ZKSCAN5: variants seen among roughly 807,000 people sequenced by gnomAD.
ZKSCAN5 encodes the protein zinc finger with KRAB and SCAN domains 5.
ZKSCAN5 carries 28 observed loss-of-function variants against 60.0 expected under a neutral mutation model. The ratio of observed to expected loss-of-function variants is 0.47; its 90% CI spans 0.35 to 0.64. ZKSCAN5 has a LOEUF of 0.64. Ranked by LOEUF, ZKSCAN5 falls within the 30% of genes least tolerant of loss-of-function variation. The pLI, the probability that ZKSCAN5 is intolerant of heterozygous loss-of-function variation, is 0.01. For synonymous variants in ZKSCAN5, 361 were observed against 371.2 expected (o/e 0.97, Z 0.31); for missense variants, 881 against 1,034.6 (o/e 0.85, Z 2.04).
chr7:99,510,262 C>G (rs1046395734), intron 2 of ZKSCAN5, among the ~76,000 whole-genome samples: 1 of 148,236 alleles, frequency 6.7e-6, no homozygotes, highest in Non-Finnish European at 1.5e-5. Flanking sequence ...TTTTTTAAGA[C>G]GGAGTCTGGC....
intron 6 of ZKSCAN5, among the ~76,000 whole-genome samples, chr7:99,529,896 C>T (rs1007566897): frequency 1.3e-5 from 2 of 151,858 alleles, no homozygotes; most frequent in African/African-American, 4.8e-5. Flanking sequence ...CCACCATGCC[C>T]AGCTAATTTT....
intron 1 of ZKSCAN5, chr7:99,505,764 G>T: frequency 3.3e-6 from 1 of 300,690 alleles, no homozygotes; most frequent in Non-Finnish European, 6.4e-6. Flanking sequence ...GATTTGTATG[G>T]CTCTCTTTTA....
In ZKSCAN5 at chr7:99,506,073, T is replaced by G; in HGVS notation, c.29T>G (p.Ile10Arg). Residue 10 changes from isoleucine to arginine, a missense_variant, in exon 2 of 7, where the codon ATA becomes AGA. By Grantham distance (97) the Ile-to-Arg change is moderately conservative (BLOSUM62 -3). This residue lies in a region of ZKSCAN5 where 88 missense variants were observed against 65.2 expected (regional missense o/e 1.35). Transcript: ENST00000326775. Reference protein sequence around the residue: MIMTESREVIDLDPPAETSQ... With the variant: MIMTESREVRDLDPPAETSQ... ...ATAATGACCGAATCCCGAGAAGTTA[T>G]AGACTTAGACCCCCCAGCTGAGACT... 1 of 1,614,052 alleles carries G rather than the reference T, an allele frequency of 6.2e-7. No homozygotes were observed. Among genetic ancestry groups the G allele is most frequent in the Non-Finnish European group, 8.5e-7 (1 of 1,179,990 alleles).
rs1488527980 is a variant in ZKSCAN5 at position 99,531,837 on chromosome 7, CAG to C, written c.2109_2110del (p.Val704AspfsTer2). The C allele has an allele frequency of 6.2e-7, 1 of 1,613,994 alleles. No homozygotes were observed. Among genetic ancestry groups the C allele is most frequent in the African/African-American group, 1.3e-5 (1 of 74,914 alleles). ...GAGGAAGCATATAGTTGGAACTTGA[CAG>C]TGATTGAAGACAAGAAGATTGAGTT... On this transcript the variant is annotated frameshift_variant, in exon 7 of 7. Coordinates refer to ENST00000326775, the MANE Select transcript of ZKSCAN5 (RefSeq NM_145102.4). LOFTEE classifies it low-confidence loss of function (END_TRUNC).
chr7:99,532,318 C>A lies in ZKSCAN5; in HGVS notation c.*69C>A. The A allele has an allele frequency of 7.0e-7, 1 of 1,429,862 alleles. No individual in the cohort carries two copies. The highest frequency in any genetic ancestry group is 9.3e-7 in the Non-Finnish European group (1 of 1,073,484). The allele number at this position is 1,429,862 out of a possible 1,614,324, so 88.6% of individuals were successfully genotyped here. ...ACTCCTATAATGAGCAAAGTAACAA[C>A]TTCAAGCATTTTTCCAGCGTTACCA... On this transcript the variant is annotated 3_prime_UTR_variant, in exon 7 of 7. Coordinates refer to ENST00000326775, the MANE Select transcript of ZKSCAN5 (RefSeq NM_145102.4).
In ZKSCAN5 at chr7:99,506,136, A is replaced by G; in HGVS notation, c.92A>G (p.Glu31Gly). The G allele has an allele frequency of 6.2e-7, 1 of 1,614,132 alleles. No individual in the cohort carries two copies. Among genetic ancestry groups the G allele is most frequent in the East Asian group, 2.2e-5 (1 of 44,880 alleles). Residue 31 changes from glutamate to glycine, a missense_variant, in exon 2 of 7, where the codon GAA becomes GGA. Glu to Gly is a moderately conservative substitution (Grantham distance 98). This residue lies in a region of ZKSCAN5 where 88 missense variants were observed against 65.2 expected (regional missense o/e 1.35). Transcript: ENST00000326775. ...EQEDLFIVKV[E>G]EEDCTWMQEY... ...GAAGACCTTTTCATAGTGAAGGTGG[A>G]AGAAGAAGACTGCACCTGGATGCAG...
At position 99,533,224 on chromosome 7, in the gene ZKSCAN5, T is replaced by C. The variant is rs1486045313; in HGVS notation, c.*975T>C. On this transcript the variant is annotated 3_prime_UTR_variant, in exon 7 of 7. Transcript: ENST00000326775. The stretch of plus-strand genomic sequence containing the variant: ...TATACAGAATGAGTTTCAGTTTGCA[T>C]TGCAGCTGGGATTGAAAGTAATCAG... The C allele has an allele frequency of 3.0e-6, 2 of 673,300 alleles. No homozygotes were observed. The highest frequency in any genetic ancestry group is 4.1e-5 in the Admixed American group (2 of 49,052). The allele number at this position is 673,300 out of a possible 1,614,324, so 41.7% of individuals were successfully genotyped here. A position where few individuals can be genotyped will look rare whatever the true frequency, so the allele number is the denominator to read the frequency against.
At chr7:99,522,319 G>C (rs1801571167) in intron 5 of ZKSCAN5, among the ~76,000 whole-genome samples, 1 of 152,280 alleles carries the variant, frequency 6.6e-6, no homozygotes, top group South Asian at 2.1e-4. Flanking sequence ...AGTGGCAGGG[G>C]TGTTGGGGAA....
At chr7:99,528,172 A>T (rs2151116441) in intron 6 of ZKSCAN5, among the ~76,000 whole-genome samples, 1 of 137,278 alleles carries the variant, frequency 7.3e-6, no homozygotes, top group South Asian at 2.2e-4. Flanking sequence ...GCCACGCTGC[A>T]TCTTCCACCA....
chr7:99,510,423 A>AT (rs1375894472), intron 2 of ZKSCAN5, among the ~76,000 whole-genome samples: 1 of 151,304 alleles, frequency 6.6e-6, no homozygotes, highest in African/African-American at 2.4e-5. Context: ...GATTTTGTTT[A>AT]TTTTTTATTT....
chr7:99,519,757 A>G, intron 3 of ZKSCAN5, 70 bp from the exon 4 acceptor site: 2 of 1,484,328 alleles, frequency 1.3e-6, no homozygotes, highest in East Asian at 2.3e-5. Flanking sequence ...CCTGAGCATA[A>G]GAGGAACATG....
At chr7:99,518,118 C>A (rs756736657) in intron 3 of ZKSCAN5, among the ~76,000 whole-genome samples, 11 of 152,092 alleles carry the variant, frequency 7.2e-5, no homozygotes, top group Non-Finnish European at 1.2e-4. Flanking sequence ...CTGGCATTAC[C>A]TGGGAGCTTA....
chr7:99,508,229 T>C (rs1788782033), intron 2 of ZKSCAN5, among the ~76,000 whole-genome samples: 1 of 145,592 alleles, frequency 6.9e-6, no homozygotes, highest in Non-Finnish European at 1.5e-5. Context: ...AACCTGGGAG[T>C]CGGAGGTTGC....
intron 2 of ZKSCAN5, 43 bp downstream of exon 2, chr7:99,506,501 G>C: frequency 6.5e-6 from 10 of 1,539,654 alleles, no homozygotes; most frequent in South Asian, 1.2e-5. Flanking sequence ...GGAGAGGAGT[G>C]AACCATCTGC....
Position 99,533,735 on chromosome 7 carries a change from C to A in ZKSCAN5, c.*1486C>A. The A allele has an allele frequency of 2.5e-6, 1 of 398,502 alleles. No individual in the cohort carries two copies. The allele number at this position is 398,502 out of a possible 1,614,324, so 24.7% of individuals were successfully genotyped here. ...AGGCCAAGCTAGACTTTTTCTGAGC[C>A]TTCATCCGTGCTAAGCTCTCTCCCT... is the stretch of plus-strand genomic sequence containing the variant. On this transcript the variant is annotated 3_prime_UTR_variant, in exon 7 of 7. Transcript: ENST00000326775.
At position 99,526,023 on chromosome 7, in the gene ZKSCAN5, T is replaced by C. The variant is rs780782487; in HGVS notation, c.983T>C (p.Leu328Pro). 1.2e-6 allele frequency: 2 copies of C among 1,614,050 alleles called. No homozygotes were observed. The highest frequency in any genetic ancestry group is 1.7e-5 in the Admixed American group (1 of 59,986). Residue 328 changes from leucine to proline, a missense_variant, in exon 6 of 7, where the codon CTG becomes CCG. Leu to Pro is a moderately conservative substitution (Grantham distance 98). Coordinates refer to ENST00000326775, the MANE Select transcript of ZKSCAN5 (RefSeq NM_145102.4). ...CAGAATCCTTCCCAGAAAAGGGATCTGGATGCAATCACAGACATCAGCCCT... is the reference window on the plus strand; with the variant it reads ...CAGAATCCTTCCCAGAAAAGGGATCCGGATGCAATCACAGACATCAGCCCT... ...SRQNPSQKRD[L>P]DAITDISPKQ...
In ZKSCAN5 at chr7:99,531,736, CT is replaced by C. The variant is rs754174012; in HGVS notation, c.2013del (p.Gln672SerfsTer5). 1 of 1,614,118 alleles carries C rather than the reference CT, an allele frequency of 6.2e-7. No homozygotes were observed. The highest frequency in any genetic ancestry group is 8.5e-7 in the Non-Finnish European group (1 of 1,180,028). ...SHQCRECGEI[F>X]FQYVSLIEHQ... ...ATCAGTGTCGTGAATGTGGGGAAATCTTTTTTCAGTACGTTAGCCTAATTGA... is the reference window on the plus strand; with the variant it reads ...ATCAGTGTCGTGAATGTGGGGAAATCTTTTTCAGTACGTTAGCCTAATTGA... On this transcript the variant is annotated frameshift_variant, in exon 7 of 7. Coordinates refer to ENST00000326775, the MANE Select transcript of ZKSCAN5 (RefSeq NM_145102.4). LOFTEE classifies it low-confidence loss of function (END_TRUNC).
chr7:99,510,127 T>G (rs1800950720), intron 2 of ZKSCAN5, among the ~76,000 whole-genome samples: 1 of 152,034 alleles, frequency 6.6e-6, no homozygotes, highest in Admixed American at 6.6e-5. Flanking sequence ...GTAGATGAGG[T>G]CTTGCCTAGT....
intron 2 of ZKSCAN5, among the ~76,000 whole-genome samples, chr7:99,511,269 G>A (rs1801011005): frequency 6.6e-6 from 1 of 152,104 alleles, no homozygotes; most frequent in Admixed American, 6.6e-5. Flanking sequence ...AAAAACAGAA[G>A]GGGTGTGAGG....
Sources: allele counts gnomAD v4.1 joint callset (sites outside exome capture counted in the v4.1 genomes callset), GRCh38; gene constraint gnomAD v4.1.1; regional missense constraint gnomAD v4.1.1; transcripts MANE v1.5; gene names NCBI Gene and HGNC (gene_info 2026-07-23, HGNC 2026-07-21).